Variants in ZNF609 observed in about 807,000 individuals in gnomAD.
ZNF609 encodes zinc finger protein 609.
ZNF609 carries 11 observed loss-of-function variants against 109.5 expected under a neutral mutation model. That is an observed-to-expected ratio of 0.10 (90% CI 0.06 to 0.17). The LOEUF (loss-of-function observed/expected upper bound fraction) is 0.17, where lower values mean the gene tolerates loss of function less well. Ranked by LOEUF, ZNF609 falls within the 10% of genes least tolerant of loss-of-function variation. The pLI is 1.00. For missense variants in ZNF609, 1,559 were observed against 1,772.4 expected, an observed-to-expected ratio of 0.88 and a Z score of 2.16; for synonymous variants, 646 against 662.0, an observed-to-expected ratio of 0.98 and a Z score of 0.37.
At chr15:64,506,843 A>G (rs1282273763) in intron 2 of ZNF609, among the ~76,000 whole-genome samples, 1 of 152,214 alleles carries the variant, frequency 6.6e-6, no homozygotes, top group Admixed American at 6.5e-5. Context: ...TTGAGTGGAA[A>G]TTGGTCTTAG....
chr15:64,589,376 TCAGCAGCAG>T (rs112200625), intron 2 of ZNF609, among the ~76,000 whole-genome samples: 1 of 151,978 alleles, frequency 6.6e-6, no homozygotes, highest in Non-Finnish European at 1.5e-5. Flanking sequence ...AACAGAAACT[TCAGCAGCAG>T]CAGCAGCAGC....
chr15:64,577,049 A>AATATATATATGT (rs1567019110), intron 2 of ZNF609, among the ~76,000 whole-genome samples: 8,633 of 103,458 alleles, frequency 0.083, 2,797 homozygotes, highest in Non-Finnish European at 0.13. Context: ...TATACACATA[A>AATATATATATGT]ATATATACAT....
chr15:64,491,061 A>G (rs1893405867), intron 1 of ZNF609, among the ~76,000 whole-genome samples: 1 of 152,192 alleles, frequency 6.6e-6, no homozygotes, highest in South Asian at 2.1e-4. Flanking sequence ...TTCTTTATCT[A>G]ATCTCCATTG....
intron 3 of ZNF609, among the ~76,000 whole-genome samples, chr15:64,665,257 A>G (rs1896629688): frequency 6.6e-6 from 1 of 152,192 alleles, no homozygotes; most frequent in African/African-American, 2.4e-5. Flanking sequence ...GGATATTCTA[A>G]GAAAATTGTG....
chr15:64,662,488 G>A (rs944852524), intron 3 of ZNF609, among the ~76,000 whole-genome samples: 6 of 152,082 alleles, frequency 3.9e-5, no homozygotes, highest in Non-Finnish European at 8.8e-5. Flanking sequence ...AACAAGCCCA[G>A]ATAATTTAAA....
At chr15:64,605,773 G>A (rs1161355087) in intron 2 of ZNF609, among the ~76,000 whole-genome samples, 27 of 138,810 alleles carry the variant, frequency 1.9e-4, no homozygotes, top group Non-Finnish European at 3.2e-4. Flanking sequence ...TCGCTCTGTC[G>A]CCCAGGCTTG....
intron 2 of ZNF609, among the ~76,000 whole-genome samples, chr15:64,610,930 T>G (rs190943485): frequency 9.8e-5 from 15 of 152,322 alleles, no homozygotes; most frequent in African/African-American, 3.6e-4. Context: ...ACATCGTGAT[T>G]ATTAAGATTT....
chr15:64,508,228 G>A (rs1893664255), intron 2 of ZNF609, among the ~76,000 whole-genome samples: 1 of 152,222 alleles, frequency 6.6e-6, no homozygotes, highest in East Asian at 1.9e-4. Context: ...TGTTTTGGGG[G>A]TTGGTATTAC....
intron 5 of ZNF609, 122 bp downstream of exon 5, chr15:64,676,378 T>C: frequency 1.2e-6 from 1 of 831,382 alleles, no homozygotes; most frequent in Non-Finnish European, 1.8e-6. Context: ...AGATGTATAA[T>C]TTTAAGGATT....
intron 2 of ZNF609, among the ~76,000 whole-genome samples, chr15:64,528,506 A>G (rs185708117): frequency 1.3e-5 from 2 of 151,954 alleles, no homozygotes; most frequent in Admixed American, 1.3e-4. Context: ...GTACATGACA[A>G]GGTGGGGCAC....
chr15:64,614,990 T>C (rs1895776685), intron 2 of ZNF609, among the ~76,000 whole-genome samples: 1 of 151,972 alleles, frequency 6.6e-6, no homozygotes, highest in Non-Finnish European at 1.5e-5. Flanking sequence ...GGCTAATTTT[T>C]GTATTTTCAA....
chr15:64,472,027 C>G (rs914601419), intron 1 of ZNF609, among the ~76,000 whole-genome samples: 4 of 152,184 alleles, frequency 2.6e-5, no homozygotes, highest in African/African-American at 9.7e-5. Flanking sequence ...TCTCCTGCCT[C>G]AGCCTCCCGA....
chr15:64,479,616 G>T (rs1041380391), intron 1 of ZNF609, among the ~76,000 whole-genome samples: 5 of 150,512 alleles, frequency 3.3e-5, no homozygotes, highest in Non-Finnish European at 7.4e-5. Context: ...TTAAGCATTT[G>T]ATTTATTTAA....
intron 1 of ZNF609, among the ~76,000 whole-genome samples, chr15:64,465,840 G>GC (rs1214073736): frequency 6.6e-6 from 1 of 151,972 alleles, no homozygotes; most frequent in East Asian, 1.9e-4. Context: ...TATAGGCCGG[G>GC]CGCAGTGGCT....
intron 2 of ZNF609, among the ~76,000 whole-genome samples, chr15:64,574,677 A>G (rs967768509): frequency 6.6e-6 from 1 of 152,118 alleles, no homozygotes; most frequent in Non-Finnish European, 1.5e-5. Flanking sequence ...TGGGATGAGG[A>G]TGAAGTATTT....
intron 2 of ZNF609, among the ~76,000 whole-genome samples, chr15:64,598,502 T>C (rs1403171566): frequency 6.6e-6 from 1 of 151,994 alleles, no homozygotes; most frequent in Non-Finnish European, 1.5e-5. Context: ...TTTTTAATTT[T>C]CTAACACTTC....
At position 64,678,346 on chromosome 15, in the gene ZNF609, T is replaced by A. The variant is rs1238527153; in HGVS notation, c.3633T>A (p.His1211Gln). ...LGSKEPRPSV[H>Q]VPVSSPLTQH... is the part of the protein sequence containing the mutation. ...GCAAGGAGCCCCGGCCAAGTGTCCATGTGCCTGTGTCCTCCCCACTTACCC... is the reference window on the plus strand; with the variant it reads ...GCAAGGAGCCCCGGCCAAGTGTCCAAGTGCCTGTGTCCTCCCCACTTACCC... Residue 1211 changes from histidine to glutamine, a missense_variant, in exon 6 of 10, where the codon CAT (histidine) becomes CAA (glutamine). Coordinates refer to ENST00000326648, the MANE Select transcript of ZNF609 (RefSeq NM_015042.2). The A allele has an allele frequency of 6.2e-7, 1 of 1,614,146 alleles. No individual in the cohort carries two copies. Among genetic ancestry groups the A allele is most frequent in the Non-Finnish European group, 8.5e-7 (1 of 1,180,022 alleles).
chr15:64,667,712 CAAAAAA>C (rs5813318), intron 3 of ZNF609, among the ~76,000 whole-genome samples: 7 of 145,808 alleles, frequency 4.8e-5, no homozygotes, highest in South Asian at 2.2e-4. Flanking sequence ...AACTCTGTCT[CAAAAAA>C]AAAAGAAAAA....
chr15:64,568,870 G>T (rs929377497), intron 2 of ZNF609, among the ~76,000 whole-genome samples: 1 of 152,178 alleles, frequency 6.6e-6, no homozygotes, highest in African/African-American at 2.4e-5. Context: ...TTCTAGCTTT[G>T]CTGAGAACAA....
Sources: gnomAD v4.1 joint callset for allele counts (sites outside exome capture counted in the v4.1 genomes callset) on GRCh38, gnomAD v4.1.1 for gene constraint, MANE v1.5 for transcripts, NCBI Gene and HGNC (gene_info 2026-07-23, HGNC 2026-07-21) for gene names.